The following COL22A1 variants were observed in gnomAD, a reference collection of about 807,000 sequenced individuals.
COL22A1 encodes collagen type XXII alpha 1 chain.
COL22A1 carries 221 observed loss-of-function variants against 248.9 expected under a neutral mutation model. The observed-to-expected ratio is 0.89, with a 90% confidence interval of 0.80 to 0.99. The LOEUF (loss-of-function observed/expected upper bound fraction) is 0.99, where lower values mean the gene tolerates loss of function less well. COL22A1 is among the 50% of genes least tolerant of loss of function. The pLI, the probability that COL22A1 is intolerant of heterozygous loss-of-function variation, is 0.00. For synonymous variants in COL22A1, 891 were observed against 793.4 expected (o/e 1.12, Z -2.07); for missense variants, 2,240 against 2,179.0 (o/e 1.03, Z -0.56).
intron 3 of COL22A1, 54 bp downstream of exon 3, chr8:138,877,696 T>C: frequency 6.7e-7 from 1 of 1,491,752 alleles, no homozygotes; most frequent in Non-Finnish European, 9.0e-7. Flanking sequence ...TCCCGTGGGC[T>C]CAGCAGGGGG....
At chr8:138,625,511 G>A (rs137914249) in intron 51 of COL22A1, among the ~76,000 whole-genome samples, 11 of 152,244 alleles carry the variant, frequency 7.2e-5, no homozygotes, top group Non-Finnish European at 1.5e-4. Flanking sequence ...TGAACAGCTC[G>A]ACTCTAATGA....
At chr8:138,715,884 A>G in intron 29 of COL22A1, 149 bp from the exon 30 acceptor site, 1 of 648,734 alleles carries the variant, frequency 1.5e-6, no homozygotes, top group Middle Eastern at 2.5e-4. Context: ...CAAAGTGGCC[A>G]CAGTGAAGTG....
At chr8:138,725,339 G>C (rs1830215968) in intron 24 of COL22A1, 48 bp downstream of exon 24, 2 of 1,591,628 alleles carry the variant, frequency 1.3e-6, no homozygotes, top group South Asian at 2.2e-5. Context: ...CCACAGGCCA[G>C]GAAACCACCA....
At chr8:138,679,394 A>G (rs1825795356) in intron 40 of COL22A1, among the ~76,000 whole-genome samples, 1 of 152,180 alleles carries the variant, frequency 6.6e-6, no homozygotes, top group African/African-American at 2.4e-5. Context: ...AAGCTAAGTC[A>G]TGTCAACAAC....
intron 16 of COL22A1, among the ~76,000 whole-genome samples, chr8:138,765,299 G>A (rs915610287): frequency 3.3e-5 from 5 of 152,190 alleles, no homozygotes; most frequent in Non-Finnish European, 5.9e-5. Flanking sequence ...CTGGTGAGTG[G>A]ACAAGGGTCT....
chr8:138,730,169 G>A (rs1830604395), intron 23 of COL22A1, among the ~76,000 whole-genome samples: 1 of 152,228 alleles, frequency 6.6e-6, no homozygotes, highest in African/African-American at 2.4e-5. Context: ...CTGTCTCCCT[G>A]CCCATGTGCA....
intron 46 of COL22A1, among the ~76,000 whole-genome samples, chr8:138,647,267 G>A (rs1822285418): frequency 6.6e-6 from 1 of 152,174 alleles, no homozygotes; most frequent in African/African-American, 2.4e-5. Context: ...TCTACCAGAT[G>A]GACCCTGAGA....
chr8:138,649,595 C>T, intron 46 of COL22A1, 70 bp downstream of exon 46: 1 of 1,553,416 alleles, frequency 6.4e-7, no homozygotes, highest in Non-Finnish European at 8.7e-7. Flanking sequence ...GCAGATGGGG[C>T]AATACTGAGA....
intron 12 of COL22A1, among the ~76,000 whole-genome samples, chr8:138,795,700 A>C (rs189207027): frequency 6.6e-6 from 1 of 152,356 alleles, no homozygotes; most frequent in Non-Finnish European, 1.5e-5. Context: ...GGTATACAAT[A>C]ATGTATTTTG....
At chr8:138,851,061 A>C (rs1210325887) in intron 3 of COL22A1, among the ~76,000 whole-genome samples, 1 of 152,230 alleles carries the variant, frequency 6.6e-6, no homozygotes, top group Non-Finnish European at 1.5e-5. Context: ...AGAGCAACAC[A>C]GAACAGCACA....
At chr8:138,840,054 C>G (rs1452897095) in intron 4 of COL22A1, among the ~76,000 whole-genome samples, 1 of 152,080 alleles carries the variant, frequency 6.6e-6, no homozygotes, top group African/African-American at 2.4e-5. Context: ...CCAGACCCAG[C>G]CCAGATATGC....
At chr8:138,725,738 T>C (rs1830250404) in intron 23 of COL22A1, among the ~76,000 whole-genome samples, 1 of 150,622 alleles carries the variant, frequency 6.6e-6, no homozygotes, top group African/African-American at 2.5e-5. Context: ...TACATATATG[T>C]GTGCACATGT....
chr8:138,897,960 G>A (rs1193028691), intron 1 of COL22A1, among the ~76,000 whole-genome samples: 1 of 152,090 alleles, frequency 6.6e-6, no homozygotes, highest in Non-Finnish European at 1.5e-5. Flanking sequence ...TGTCTGGCAA[G>A]TGCTTGCTTT....
intron 16 of COL22A1, among the ~76,000 whole-genome samples, chr8:138,773,687 G>A (rs1834584130): frequency 6.6e-6 from 1 of 152,178 alleles, no homozygotes; most frequent in African/African-American, 2.4e-5. Flanking sequence ...TTGATGGAGG[G>A]CCTGCACCAG....
At chr8:138,685,486 CA>C (rs1275853908) in intron 37 of COL22A1, among the ~76,000 whole-genome samples, 174 bp from the exon 38 acceptor site, 3 of 152,184 alleles carry the variant, frequency 2.0e-5, no homozygotes, top group Admixed American at 2.0e-4. Flanking sequence ...TTATAGGTTA[CA>C]TTGTGTTCCC....
intron 41 of COL22A1, among the ~76,000 whole-genome samples, chr8:138,671,224 G>C (rs1824997879): frequency 6.6e-6 from 1 of 152,126 alleles, no homozygotes; most frequent in East Asian, 1.9e-4. Context: ...ATAAAATATA[G>C]AGAGATACTA....
chr8:138,594,166 G>C lies in COL22A1; in HGVS notation c.4466C>G (p.Pro1489Arg). The C allele has an allele frequency of 6.4e-7, 1 of 1,570,736 alleles. No individual in the cohort carries two copies. The change falls in exon 63 of 65, where the codon CCG (proline) becomes CGG (arginine). Residue 1489 changes from proline (P) to arginine (R), a missense_variant. Physicochemically the swap from Pro to Arg is moderately radical, Grantham distance 103. Coordinates refer to ENST00000303045, the MANE Select transcript of COL22A1 (RefSeq NM_152888.3). ...GCCTTGAGATGACTTCATGTACGCC[G>C]GGGGCATCTGGGCCAGGAGGTAGGC... ...RLAYLLAQMP[P>R]AYMKSSQGRP...
At chr8:138,767,204 A>G (rs944310691) in intron 16 of COL22A1, among the ~76,000 whole-genome samples, 8 of 152,224 alleles carry the variant, frequency 5.3e-5, no homozygotes, top group African/African-American at 1.9e-4. Context: ...GGCACGTGGA[A>G]GGTGCGCATT....
At chr8:138,889,153 C>T (rs566205400) in intron 1 of COL22A1, among the ~76,000 whole-genome samples, 1 of 152,262 alleles carries the variant, frequency 6.6e-6, no homozygotes, top group Non-Finnish European at 1.5e-5. Flanking sequence ...ATGTGTCTCT[C>T]CCCACGTCAC....
Sources: gnomAD v4.1 joint callset for allele counts (sites outside exome capture counted in the v4.1 genomes callset) on GRCh38, gnomAD v4.1.1 for gene constraint, MANE v1.5 for transcripts, NCBI Gene and HGNC (gene_info 2026-07-23, HGNC 2026-07-21) for gene names.